Variants in ACACA observed in about 807,000 individuals in gnomAD.
ACACA encodes the protein acetyl-CoA carboxylase alpha.
In ACACA, 103 loss-of-function variants were observed where a neutral mutation model predicts 296.1. The ratio of observed to expected loss-of-function variants is 0.35; its 90% confidence interval spans 0.30 to 0.41. The LOEUF is 0.41. Among genes scored for constraint, ACACA ranks in the 10% least tolerant of loss-of-function variants. ACACA has a pLI of 1.00. For missense variants in ACACA, 1,554 were observed against 2,989.7 expected (o/e 0.52, Z 11.20); for synonymous variants, 953 against 1,038.6 (o/e 0.92, Z 1.58).
intron 29 of ACACA, among the ~76,000 whole-genome samples, chr17:37,211,803 C>G (rs2078760121): frequency 6.6e-6 from 1 of 152,194 alleles, no homozygotes; most frequent in African/African-American, 2.4e-5. Flanking sequence ...TGCATCAAAC[C>G]TGTATCACAG....
chr17:37,274,438 T>C, intron 8 of ACACA, 139 bp from the exon 9 acceptor site: 1 of 1,026,708 alleles, frequency 9.7e-7, no homozygotes, highest in Non-Finnish European at 1.5e-6. Flanking sequence ...CATAAAACCC[T>C]GATCAGTCCT....
At chr17:37,370,143 C>G (rs2049750640) in intron 1 of ACACA, among the ~76,000 whole-genome samples, 1 of 150,824 alleles carries the variant, frequency 6.6e-6, no homozygotes, top group South Asian at 2.1e-4. Context: ...AGTAGCTGCA[C>G]TACAGGCATG....
Position 37,188,492 on chromosome 17 carries a change from A to G in ACACA, c.4573-12T>C. The stretch of plus-strand genomic sequence containing the variant: ...ACGGATTCCTCAATCTGACACAGAC[A>G]CATCACCAAGCACAAAACTTAAATA... On this transcript the variant is annotated splice_polypyrimidine_tract_variant and intron_variant, in intron 38 of 55. Coordinates refer to ENST00000616317, the MANE Select transcript of ACACA (RefSeq NM_198834.3). The G allele has an allele frequency of 6.2e-7, 1 of 1,612,506 alleles. No homozygotes were observed. Among genetic ancestry groups the G allele is most frequent in the Non-Finnish European group, 8.5e-7 (1 of 1,179,950 alleles).
chr17:37,139,736 G>A (rs1597942493), intron 45 of ACACA, among the ~76,000 whole-genome samples: 1 of 152,220 alleles, frequency 6.6e-6, no homozygotes, highest in Non-Finnish European at 1.5e-5. Context: ...GTACTTCCAA[G>A]TGGAATTAAG....
At chr17:37,266,736 G>A (rs1211960677) in intron 10 of ACACA, among the ~76,000 whole-genome samples, 1 of 152,128 alleles carries the variant, frequency 6.6e-6, no homozygotes, top group East Asian at 1.9e-4. Flanking sequence ...CTCTTTTACA[G>A]TTTTTTAGCA....
chr17:37,372,477 C>T (rs1425415061), intron 1 of ACACA, among the ~76,000 whole-genome samples: 1 of 151,842 alleles, frequency 6.6e-6, no homozygotes, highest in Non-Finnish European at 1.5e-5. Context: ...TAGAAGAGGC[C>T]TTGTAAGCCA....
intron 3 of ACACA, among the ~76,000 whole-genome samples, chr17:37,327,569 T>A (rs1238709444): frequency 3.3e-5 from 5 of 152,160 alleles, no homozygotes; most frequent in African/African-American, 1.2e-4. Flanking sequence ...ATAAGAACCA[T>A]CAACTTTGGG....
intron 47 of ACACA, among the ~76,000 whole-genome samples, chr17:37,127,752 G>A (rs1236029895): frequency 6.6e-6 from 1 of 150,996 alleles, no homozygotes; most frequent in Non-Finnish European, 1.5e-5. Flanking sequence ...GCTGAAGCAG[G>A]AGAACCACTT....
chr17:37,243,347 AAT>A, intron 22 of ACACA, 22 bp downstream of exon 22: 1 of 1,609,928 alleles, frequency 6.2e-7, no homozygotes, highest in Non-Finnish European at 8.5e-7. Flanking sequence ...GCCAGAAAAA[AAT>A]ATAGTGTTAT....
At chr17:37,240,915 G>A (rs983641323) in intron 23 of ACACA, among the ~76,000 whole-genome samples, 5 of 152,188 alleles carry the variant, frequency 3.3e-5, no homozygotes, top group Middle Eastern at 3.4e-3. Flanking sequence ...CTGTGAGGCC[G>A]GTTGCCTTAG....
rs530883683 is a variant in ACACA, at chr17:37,279,044, T to C, written c.611-1039A>G. ...GACAGACACTTCTCAAAAGAAGACATTTATGCGGCCAACAAACATATTTTA... is the reference window on the plus strand; with the variant it reads ...GACAGACACTTCTCAAAAGAAGACACTTATGCGGCCAACAAACATATTTTA... On this transcript the variant is annotated intron_variant, in intron 5 of 55. Coordinates refer to ENST00000616317, the MANE Select transcript of ACACA (RefSeq NM_198834.3). 7.2e-5 allele frequency among the ~76,000 whole-genome samples: 11 copies of C among 152,214 alleles called. 1 individual carries two copies. The South Asian group carries it at 2.1e-3, about 29-fold the overall frequency.
intron 29 of ACACA, among the ~76,000 whole-genome samples, chr17:37,214,411 G>A (rs1246204976): frequency 6.6e-6 from 1 of 152,148 alleles, no homozygotes; most frequent in Admixed American, 6.5e-5. Context: ...TGCTCTGCTG[G>A]AAGGTTTTGC....
At chr17:37,257,902 T>C in intron 13 of ACACA, 36 bp from the exon 14 acceptor site, 1 of 1,609,210 alleles carries the variant, frequency 6.2e-7, no homozygotes, top group Non-Finnish European at 8.5e-7. Flanking sequence ...CCATATTATG[T>C]TTCGAAGGAA....
At chr17:37,111,412 A>G in intron 52 of ACACA, 119 bp downstream of exon 52, 2 of 795,728 alleles carry the variant, frequency 2.5e-6, no homozygotes, top group Non-Finnish European at 2.2e-6. Flanking sequence ...AGGACAGTAA[A>G]TAAAGATTAT....
intron 47 of ACACA, among the ~76,000 whole-genome samples, chr17:37,126,612 T>A (rs1412283997): frequency 6.6e-6 from 1 of 152,192 alleles, no homozygotes; most frequent in African/African-American, 2.4e-5. Flanking sequence ...TTTTCAGTGA[T>A]TCTTCTAATT....
intron 3 of ACACA, among the ~76,000 whole-genome samples, chr17:37,289,878 C>T (rs766767388): frequency 1.3e-5 from 2 of 152,166 alleles, no homozygotes; most frequent in Non-Finnish European, 2.9e-5. Context: ...ATCTTTCCTC[C>T]CAATCACACT....
At chr17:37,373,216 C>T (rs1407859768) in intron 1 of ACACA, among the ~76,000 whole-genome samples, 1 of 151,960 alleles carries the variant, frequency 6.6e-6, no homozygotes, top group Non-Finnish European at 1.5e-5. Context: ...TTCCACCGCT[C>T]TGCCCCCGAC....
chr17:37,272,409 G>A (rs181952076), intron 9 of ACACA, among the ~76,000 whole-genome samples: 211 of 152,154 alleles, frequency 1.4e-3, no homozygotes, highest in South Asian at 2.5e-3. Context: ...TATGTCAATC[G>A]ATTACTTAAT....
intron 47 of ACACA, among the ~76,000 whole-genome samples, chr17:37,126,328 T>C (rs2074784479): frequency 6.6e-6 from 1 of 152,150 alleles, no homozygotes; most frequent in Non-Finnish European, 1.5e-5. Context: ...CAACAAGATA[T>C]ATCTACTTTA....
Sources: allele counts gnomAD v4.1 joint callset (sites outside exome capture counted in the v4.1 genomes callset), GRCh38; gene constraint gnomAD v4.1.1; transcripts MANE v1.5; gene names NCBI Gene and HGNC (gene_info 2026-07-23, HGNC 2026-07-21).